Variants in UBE2E2 observed in about 807,000 individuals in gnomAD.
UBE2E2 encodes the protein ubiquitin-conjugating enzyme E2 E2.
In UBE2E2, 6 loss-of-function variants were observed where a neutral mutation model predicts 24.7. The observed-to-expected ratio is 0.24, with a 90% confidence interval of 0.13 to 0.48. The LOEUF (loss-of-function observed/expected upper bound fraction) is 0.48, where lower values mean the gene tolerates loss of function less well. Among genes scored for constraint, UBE2E2 ranks in the 20% least tolerant of loss-of-function variants. UBE2E2 has a pLI of 0.99. For synonymous variants in UBE2E2, 104 were observed against 83.6 expected, an observed-to-expected ratio of 1.24 and a Z score of -1.33; for missense variants, 169 against 245.0, an observed-to-expected ratio of 0.69 and a Z score of 2.07.
At chr3:23,565,015 C>T (rs762430678) in intron 5 of UBE2E2, among the ~76,000 whole-genome samples, 10 of 152,118 alleles carry the variant, frequency 6.6e-5, no homozygotes, top group Non-Finnish European at 1.3e-4. Flanking sequence ...TGGGTGGCGG[C>T]TTTCAGCTGT....
chr3:23,439,131 T>G (rs1698242335), intron 3 of UBE2E2, among the ~76,000 whole-genome samples: 1 of 152,258 alleles, frequency 6.6e-6, no homozygotes, highest in African/African-American at 2.4e-5. Flanking sequence ...CAAAGAAATG[T>G]TTCAATTTCT....
At chr3:23,360,765 G>T (rs1696091818) in intron 3 of UBE2E2, among the ~76,000 whole-genome samples, 1 of 151,884 alleles carries the variant, frequency 6.6e-6, no homozygotes, top group African/African-American at 2.4e-5. Flanking sequence ...AAGAAGATGA[G>T]CCACTTTTGT....
chr3:23,213,554 A>G (rs1275732445), intron 2 of UBE2E2, among the ~76,000 whole-genome samples: 3 of 152,132 alleles, frequency 2.0e-5, no homozygotes, highest in Non-Finnish European at 4.4e-5. Context: ...CTCAGGAACA[A>G]TGGGCAGTTG....
intron 5 of UBE2E2, among the ~76,000 whole-genome samples, chr3:23,570,893 T>C (rs531828855): frequency 6.6e-6 from 1 of 152,226 alleles, no homozygotes; most frequent in Non-Finnish European, 1.5e-5. Flanking sequence ...CTTTTAAGTT[T>C]AATCTGCATT....
chr3:23,499,430 A>C (rs760035107), intron 3 of UBE2E2, among the ~76,000 whole-genome samples, 178 bp from the exon 4 acceptor site: 20 of 152,242 alleles, frequency 1.3e-4, no homozygotes, highest in Non-Finnish European at 2.6e-4. Context: ...AGTGATACCA[A>C]CATATTTCAC....
intron 5 of UBE2E2, among the ~76,000 whole-genome samples, chr3:23,538,250 GTT>G (rs1230105534): frequency 6.6e-6 from 1 of 152,080 alleles, no homozygotes; most frequent in African/African-American, 2.4e-5. Flanking sequence ...ACTTCAGACT[GTT>G]TTCTTGTGAA....
intron 4 of UBE2E2, among the ~76,000 whole-genome samples, chr3:23,506,544 T>C (rs1385678567): frequency 1.3e-5 from 2 of 152,236 alleles, no homozygotes; most frequent in South Asian, 2.1e-4. Context: ...CTAGAAACTC[T>C]TTGGCGCAAA....
intron 3 of UBE2E2, among the ~76,000 whole-genome samples, chr3:23,326,537 G>A (rs1694895536): frequency 6.6e-6 from 1 of 152,182 alleles, no homozygotes. Context: ...CATTTAAGAT[G>A]TGTCTGTCCC....
At chr3:23,561,852 C>G (rs1575708170) in intron 5 of UBE2E2, among the ~76,000 whole-genome samples, 1 of 152,116 alleles carries the variant, frequency 6.6e-6, no homozygotes. Flanking sequence ...TGGGAGTTCA[C>G]TCATGATTTG....
chr3:23,457,201 GCTT>G, intron 3 of UBE2E2, among the ~76,000 whole-genome samples: 1 of 152,304 alleles, frequency 6.6e-6, no homozygotes, highest in Middle Eastern at 3.4e-3. Flanking sequence ...TGGGGGCTAA[GCTT>G]CTCTCTGGGC....
At chr3:23,585,951 A>G (rs1696616198) in intron 5 of UBE2E2, among the ~76,000 whole-genome samples, 1 of 146,276 alleles carries the variant, frequency 6.8e-6, no homozygotes, top group Non-Finnish European at 1.5e-5. Flanking sequence ...CATGACTTTT[A>G]TTTACCATTT....
intron 3 of UBE2E2, among the ~76,000 whole-genome samples, chr3:23,460,887 A>G (rs992988309): frequency 1.3e-5 from 2 of 152,226 alleles, no homozygotes; most frequent in African/African-American, 4.8e-5. Flanking sequence ...TGTTTATATG[A>G]ACATAGCCTG....
At chr3:23,345,474 C>T (rs1233917061) in intron 3 of UBE2E2, among the ~76,000 whole-genome samples, 1 of 152,132 alleles carries the variant, frequency 6.6e-6, no homozygotes, top group Non-Finnish European at 1.5e-5. Flanking sequence ...CGTGGCAAAA[C>T]ATTCTTTAGA....
At chr3:23,379,897 G>A (rs1412738602) in intron 3 of UBE2E2, among the ~76,000 whole-genome samples, 1 of 152,066 alleles carries the variant, frequency 6.6e-6, no homozygotes, top group East Asian at 1.9e-4. Context: ...TGTGCAGTGG[G>A]AGCTTAGTGA....
intron 3 of UBE2E2, among the ~76,000 whole-genome samples, chr3:23,352,936 G>T (rs561575786): frequency 1.3e-5 from 2 of 152,224 alleles, no homozygotes; most frequent in Admixed American, 1.3e-4. Flanking sequence ...AACCAAAAAG[G>T]AGAATTTTAG....
intron 2 of UBE2E2, among the ~76,000 whole-genome samples, chr3:23,210,406 C>G (rs891122849): frequency 1.3e-5 from 2 of 152,188 alleles, no homozygotes; most frequent in East Asian, 3.9e-4. Flanking sequence ...CTGCCTTTTC[C>G]TCTAACTGGG....
chr3:23,357,293 C>A (rs189078371), intron 3 of UBE2E2, among the ~76,000 whole-genome samples: 38 of 151,960 alleles, frequency 2.5e-4, no homozygotes, highest in African/African-American at 8.2e-4. Context: ...TGTTTGTTAC[C>A]GTAAGTGCTT....
intron 3 of UBE2E2, among the ~76,000 whole-genome samples, chr3:23,285,881 CAA>C (rs1452691336): frequency 1.3e-5 from 2 of 152,042 alleles, no homozygotes; most frequent in Non-Finnish European, 2.9e-5. Context: ...ATTTTTTAGT[CAA>C]GAGGGGTTTC....
intron 3 of UBE2E2, among the ~76,000 whole-genome samples, chr3:23,368,797 A>G (rs897430780): frequency 1.4e-4 from 22 of 152,218 alleles, no homozygotes; most frequent in Non-Finnish European, 2.9e-4. Context: ...AAGTCATAAA[A>G]TATACTGTAA....
Sources: allele counts gnomAD v4.1 joint callset (sites outside exome capture counted in the v4.1 genomes callset), GRCh38; gene constraint gnomAD v4.1.1; transcripts MANE v1.5; gene names NCBI Gene and HGNC (gene_info 2026-07-23, HGNC 2026-07-21).